The following RAB38 variants were observed in gnomAD, a reference collection of about 807,000 sequenced individuals.
RAB38 encodes the protein ras-related protein Rab-38.
Under a neutral mutation model 18.4 loss-of-function variants are expected in RAB38, and 15 were observed. That is an observed-to-expected ratio of 0.82 (90% confidence interval 0.55 to 1.26). The LOEUF is 1.26. Ranked by LOEUF, RAB38 falls within the 50% of genes most tolerant of loss-of-function variation. The pLI is 0.00. For missense variants in RAB38, 294 were observed against 267.4 expected (o/e 1.10, Z -0.69); for synonymous variants, 101 against 104.4 (o/e 0.97, Z 0.20).
intron 1 of RAB38, among the ~76,000 whole-genome samples, chr11:88,174,632 AAAAAAAAAAC>A (rs1943355791): frequency 6.8e-6 from 1 of 147,978 alleles, no homozygotes; most frequent in Non-Finnish European, 1.5e-5. Context: ...AAAAAAAAAA[AAAAAAAAAAC>A]AAAACAAAAA....
the RAB38 span, among the ~76,000 whole-genome samples, chr11:87,924,898 A>C: frequency 6.6e-6 from 1 of 151,964 alleles, no homozygotes; most frequent in Non-Finnish European, 1.5e-5. Context: ...GTGAGTGCGC[A>C]TGTGCAAACA....
the RAB38 span, among the ~76,000 whole-genome samples, chr11:87,810,957 T>A: frequency 1.3e-5 from 2 of 152,140 alleles, no homozygotes; most frequent in Non-Finnish European, 2.9e-5. Context: ...AGTGGAAGTT[T>A]ATTTTAAAAA....
chr11:88,139,881 T>C (rs2134810321), intron 2 of RAB38, among the ~76,000 whole-genome samples: 1 of 152,300 alleles, frequency 6.6e-6, no homozygotes, highest in Middle Eastern at 3.4e-3. Flanking sequence ...TTGAAAATCC[T>C]CCCCAGAATT....
chr11:88,006,301 G>A, the RAB38 span, among the ~76,000 whole-genome samples: 1 of 151,516 alleles, frequency 6.6e-6, no homozygotes, highest in South Asian at 2.1e-4. Flanking sequence ...GTGGTGAAAA[G>A]GGAATCCTTA....
the RAB38 span, among the ~76,000 whole-genome samples, chr11:88,046,504 C>T: frequency 1.6e-4 from 25 of 152,298 alleles, no homozygotes; most frequent in East Asian, 4.6e-3. Context: ...TGTACTGACC[C>T]TGACACCCAT....
At chr11:87,949,539 A>T in the RAB38 span, among the ~76,000 whole-genome samples, 3 of 152,104 alleles carry the variant, frequency 2.0e-5, no homozygotes, top group African/African-American at 7.2e-5. Context: ...TGCTATAAAT[A>T]TCCCTCTACA....
chr11:87,893,136 G>A, the RAB38 span, among the ~76,000 whole-genome samples: 1 of 151,090 alleles, frequency 6.6e-6, no homozygotes, highest in Non-Finnish European at 1.5e-5. Context: ...TTAGATGCTG[G>A]GATACTTTCT....
the RAB38 span, among the ~76,000 whole-genome samples, chr11:87,972,920 A>G: frequency 1.3e-5 from 2 of 151,940 alleles, no homozygotes; most frequent in African/African-American, 4.8e-5. Context: ...TTCTTATGAT[A>G]ATGAATGAAT....
At chr11:88,013,706 A>C in the RAB38 span, among the ~76,000 whole-genome samples, 3 of 152,260 alleles carry the variant, frequency 2.0e-5, no homozygotes, top group East Asian at 5.8e-4. Context: ...TGCATAGGCC[A>C]AGTCCTATTA....
chr11:88,133,612 T>C (rs1942793394), intron 2 of RAB38, among the ~76,000 whole-genome samples: 1 of 152,208 alleles, frequency 6.6e-6, no homozygotes, highest in African/African-American at 2.4e-5. Flanking sequence ...TAGAGGGGGA[T>C]AATTATTTAA....
chr11:88,114,644 A>G (rs1346645892), intron 2 of RAB38, among the ~76,000 whole-genome samples: 1 of 152,188 alleles, frequency 6.6e-6, no homozygotes, highest in African/African-American at 2.4e-5. Context: ...ACCTCTTTGA[A>G]CTTAGCCATG....
the RAB38 span, among the ~76,000 whole-genome samples, chr11:87,903,707 G>A: frequency 6.6e-6 from 1 of 151,158 alleles, no homozygotes; most frequent in Non-Finnish European, 1.5e-5. Flanking sequence ...TTGGTGGGAC[G>A]TTTATTCATA....
chr11:87,912,123 T>C, the RAB38 span, among the ~76,000 whole-genome samples: 1 of 152,016 alleles, frequency 6.6e-6, no homozygotes, highest in African/African-American at 2.4e-5. Context: ...TTAAGAAGTT[T>C]TGCATTTATT....
At chr11:87,848,735 C>T in the RAB38 span, among the ~76,000 whole-genome samples, 2 of 152,156 alleles carry the variant, frequency 1.3e-5, no homozygotes, top group South Asian at 4.2e-4. Context: ...TAAAGCTTTC[C>T]AAAAGCACCA....
At chr11:87,852,943 A>G in the RAB38 span, among the ~76,000 whole-genome samples, 1 of 143,448 alleles carries the variant, frequency 7.0e-6, no homozygotes, top group African/African-American at 2.7e-5. Flanking sequence ...GTGGCTTAAC[A>G]TCTATCTTGC....
At chr11:88,171,226 G>T (rs1395753624) in intron 1 of RAB38, among the ~76,000 whole-genome samples, 1 of 152,170 alleles carries the variant, frequency 6.6e-6, no homozygotes, top group Non-Finnish European at 1.5e-5. Context: ...TGCAGGTATT[G>T]TTATTATTCC....
intron 2 of RAB38, among the ~76,000 whole-genome samples, chr11:88,132,437 T>G (rs576523470): frequency 2.3e-4 from 35 of 152,170 alleles, no homozygotes; most frequent in Non-Finnish European, 4.4e-4. Context: ...ACGAACACAA[T>G]TCTAACTGAA....
chr11:88,164,845 C>T (rs560586138), intron 1 of RAB38, among the ~76,000 whole-genome samples: 2 of 151,792 alleles, frequency 1.3e-5, no homozygotes, highest in East Asian at 1.9e-4. Context: ...ATACACACAC[C>T]ACACAATACA....
chr11:87,876,144 C>T, the RAB38 span, among the ~76,000 whole-genome samples: 1 of 151,468 alleles, frequency 6.6e-6, no homozygotes, highest in East Asian at 2.0e-4. Flanking sequence ...GGATAGAATT[C>T]GAAACTGTCG....
Sources: allele counts gnomAD v4.1 joint callset (sites outside exome capture counted in the v4.1 genomes callset), GRCh38; gene constraint gnomAD v4.1.1; transcripts MANE v1.5; gene names NCBI Gene and HGNC (gene_info 2026-07-23, HGNC 2026-07-21).